The following KCNMA1 variants were observed in gnomAD, a reference collection of about 807,000 sequenced individuals.
KCNMA1 encodes the protein Calcium-activated potassium channel subunit alpha-1.
KCNMA1 carries 29 observed loss-of-function variants against 140.0 expected under a neutral mutation model. The ratio of observed to expected loss-of-function variants is 0.21; its 90% CI spans 0.15 to 0.28. The LOEUF is 0.28. Ranked by LOEUF, KCNMA1 falls within the 10% of genes least tolerant of loss-of-function variation. The probability of loss-of-function intolerance (pLI) is 1.00; values close to 1 mark genes in which losing one functional copy is unlikely to be tolerated. For missense variants in KCNMA1, 880 were observed against 1,602.2 expected, an observed-to-expected ratio of 0.55 and a Z score of 7.70; for synonymous variants, 612 against 611.9, an observed-to-expected ratio of 1.00 and a Z score of 0.00.
intron 1 of KCNMA1, among the ~76,000 whole-genome samples, chr10:77,568,009 A>G (rs1209498815): frequency 6.6e-6 from 1 of 152,198 alleles, no homozygotes; most frequent in Non-Finnish European, 1.5e-5. Context: ...TCCTCGACAC[A>G]TACACTCTCC....
chr10:77,635,654 G>C (rs2154571792), intron 1 of KCNMA1: 1 of 152,354 alleles, frequency 6.6e-6, no homozygotes, highest in Admixed American at 6.5e-5. Context: ...CTTAACCTGA[G>C]GGCTTCTCTG....
At chr10:77,427,155 A>G (rs1482438832) in intron 1 of KCNMA1, among the ~76,000 whole-genome samples, 1 of 152,224 alleles carries the variant, frequency 6.6e-6, no homozygotes, top group African/African-American at 2.4e-5. Context: ...GCACATCAGC[A>G]TCATGGTGCT....
At chr10:77,584,197 T>A (rs564943183) in intron 1 of KCNMA1, among the ~76,000 whole-genome samples, 1 of 152,180 alleles carries the variant, frequency 6.6e-6, no homozygotes, top group Non-Finnish European at 1.5e-5. Context: ...CAGTGCTTTA[T>A]AACCACCCAA....
At chr10:77,208,543 C>CGTG (rs34867524) in intron 3 of KCNMA1, among the ~76,000 whole-genome samples, 8 of 129,688 alleles carry the variant, frequency 6.2e-5, no homozygotes, top group Non-Finnish European at 1.0e-4. Context: ...AATGAAAGCC[C>CGTG]ATGAACAGCA....
At chr10:77,602,200 C>T (rs1053584481) in intron 1 of KCNMA1, among the ~76,000 whole-genome samples, 6 of 152,228 alleles carry the variant, frequency 3.9e-5, no homozygotes, top group South Asian at 2.1e-4. Context: ...TTGGGGGAGA[C>T]GGGGATGCGC....
chr10:77,585,102 A>G (rs1317560887), intron 1 of KCNMA1, among the ~76,000 whole-genome samples: 4 of 152,176 alleles, frequency 2.6e-5, no homozygotes, highest in African/African-American at 7.2e-5. Context: ...TGGCATACTG[A>G]ACTCTGACCA....
At chr10:77,434,270 G>A (rs1025789809) in intron 1 of KCNMA1, among the ~76,000 whole-genome samples, 1 of 152,210 alleles carries the variant, frequency 6.6e-6, no homozygotes, top group East Asian at 1.9e-4. Context: ...CAAACTGCTT[G>A]AAAATCAGAC....
chr10:77,114,898 C>T (rs1218946775), intron 6 of KCNMA1, among the ~76,000 whole-genome samples: 1 of 152,168 alleles, frequency 6.6e-6, no homozygotes, highest in Non-Finnish European at 1.5e-5. Flanking sequence ...TAGTTTTGGT[C>T]AGTTCATCTC....
chr10:77,148,967 ACACTCACTTTAG>A (rs2098367626), intron 5 of KCNMA1, among the ~76,000 whole-genome samples: 1 of 152,206 alleles, frequency 6.6e-6, no homozygotes, highest in South Asian at 2.1e-4. Flanking sequence ...GTTTCCTGCA[ACACTCACTTTAG>A]AACCTAATAT....
intron 1 of KCNMA1, among the ~76,000 whole-genome samples, chr10:77,423,935 A>T (rs530361553): frequency 1.3e-5 from 2 of 152,284 alleles, no homozygotes; most frequent in African/African-American, 4.8e-5. Context: ...TCCATGAACA[A>T]TATGTTAGCC....
At chr10:77,528,452 T>C (rs1449981699) in intron 1 of KCNMA1, among the ~76,000 whole-genome samples, 1 of 151,478 alleles carries the variant, frequency 6.6e-6, no homozygotes, top group Non-Finnish European at 1.5e-5. Context: ...CTACTAAAAA[T>C]ACAAAAAATT....
At chr10:77,189,290 A>G (rs2098917460) in intron 3 of KCNMA1, among the ~76,000 whole-genome samples, 1 of 152,172 alleles carries the variant, frequency 6.6e-6, no homozygotes, top group Non-Finnish European at 1.5e-5. Flanking sequence ...GAGATGATTC[A>G]GTGTTTGAGC....
intron 2 of KCNMA1, among the ~76,000 whole-genome samples, chr10:77,310,079 T>C (rs1276297497): frequency 1.3e-5 from 2 of 152,146 alleles, no homozygotes; most frequent in South Asian, 2.1e-4. Context: ...TGTAAAGGCA[T>C]TGAAGGCATG....
Position 76,962,909 on chromosome 10 carries a change from T to C in KCNMA1, c.2360+7065A>G, listed in dbSNP as rs548352281. On this transcript the variant is annotated intron_variant, in intron 20 of 27. Transcript: ENST00000286628. ...GAGAACCCATTTACCTCTGATATCT[T>C]GCAACAATTTGTTTTTGAACAATCA... is the stretch of plus-strand genomic sequence containing the variant. Among the ~76,000 whole-genome samples the C allele has an allele frequency of 8.5e-5, 13 of 152,340 alleles. No individual in the cohort carries two copies. In the South Asian group the frequency reaches 2.7e-3, roughly 32 times the overall value.
chr10:77,463,810 T>C (rs775160948), intron 1 of KCNMA1, among the ~76,000 whole-genome samples: 27 of 151,678 alleles, frequency 1.8e-4, no homozygotes, highest in Admixed American at 1.8e-3. Flanking sequence ...CTTAGGAGCA[T>C]GAGGGAAAGA....
At chr10:77,284,712 C>T (rs942706874) in intron 2 of KCNMA1, among the ~76,000 whole-genome samples, 2 of 152,082 alleles carry the variant, frequency 1.3e-5, no homozygotes, top group Non-Finnish European at 2.9e-5. Flanking sequence ...TGGGGTTTCA[C>T]CACATTGGCC....
chr10:77,256,430 C>T (rs1355158177), intron 2 of KCNMA1, among the ~76,000 whole-genome samples: 1 of 152,126 alleles, frequency 6.6e-6, no homozygotes, highest in Non-Finnish European at 1.5e-5. Flanking sequence ...AGTCTGGGCA[C>T]CTCTTTTTAA....
chr10:77,171,370 T>G (rs1401647084), intron 5 of KCNMA1, among the ~76,000 whole-genome samples: 1 of 149,682 alleles, frequency 6.7e-6, no homozygotes, highest in East Asian at 2.0e-4. Context: ...AGAATAGATT[T>G]CGGAAAGTAC....
chr10:77,023,537 T>A (rs1277084104), intron 16 of KCNMA1, among the ~76,000 whole-genome samples: 2 of 152,146 alleles, frequency 1.3e-5, no homozygotes, highest in Non-Finnish European at 2.9e-5. Context: ...CCATTTAGGG[T>A]TTCCATTCAT....
Sources: allele counts gnomAD v4.1 joint callset (sites outside exome capture counted in the v4.1 genomes callset), GRCh38; gene constraint gnomAD v4.1.1; transcripts MANE v1.5; gene names NCBI Gene and HGNC (gene_info 2026-07-23, HGNC 2026-07-21).